The following DNASE1 variants were observed in gnomAD, a reference collection of about 807,000 sequenced individuals.
The protein encoded by DNASE1 is deoxyribonuclease 1, also known as deoxyribonuclease-1.
A neutral mutation model predicts 33.9 loss-of-function variants in DNASE1; 40 were observed. The observed-to-expected ratio is 1.18, with a 90% CI of 0.92 to 1.54. DNASE1 has a LOEUF of 1.54. DNASE1 is among the 40% of genes most tolerant of loss of function. The pLI is 0.00. For missense variants in DNASE1, 518 were observed against 372.6 expected, an observed-to-expected ratio of 1.39 and a Z score of -3.21; for synonymous variants, 216 against 160.0, an observed-to-expected ratio of 1.35 and a Z score of -2.64.
intron 1 of DNASE1, among the ~76,000 whole-genome samples, chr16:3,620,021 TTC>T (rs2151159928): frequency 6.6e-6 from 1 of 151,756 alleles, no homozygotes; most frequent in East Asian, 2.0e-4. Context: ...GTTCAAGTGA[TTC>T]TCTTGCCTCA....
chr16:3,661,219 A>C (rs1366213918), downstream of DNASE1: 1 of 152,234 alleles, frequency 6.6e-6, no homozygotes, highest in African/African-American at 2.4e-5. Flanking sequence ...TAAAGACCTA[A>C]ATAGATCACA....
intron 1 of DNASE1, among the ~76,000 whole-genome samples, chr16:3,646,390 C>T (rs1405714942): frequency 6.6e-6 from 1 of 152,014 alleles, no homozygotes; most frequent in Non-Finnish European, 1.5e-5. Flanking sequence ...GGAAGCCAGC[C>T]ATAAATAAGC....
At chr16:3,661,939 GA>G (rs747633704), downstream of DNASE1, 13 of 1,541,332 alleles carry the variant, frequency 8.4e-6, no homozygotes, top group Non-Finnish European at 1.1e-5. Flanking sequence ...CCACACACAG[GA>G]TTCTGGGGAA....
chr16:3,655,427 G>A lies in DNASE1; in HGVS notation c.54G>A (p.Gln18=), dbSNP rs1427255283. The change falls in exon 2 of 9, where the codon CAG becomes CAA. Residue 18 remains glutamine (Q), a synonymous_variant. Coordinates refer to ENST00000246949, the MANE Select transcript of DNASE1 (RefSeq NM_005223.4). The part of the protein sequence containing the change: ...GALLALAALL[Q]GAVSLKIAAF... The stretch of plus-strand genomic sequence containing the variant: ...TGCTGGCACTGGCGGCCCTACTGCA[G>A]GGGGCCGTGTCCCTGAAGATCGCAG... 6.2e-7 allele frequency: 1 copy of A among 1,614,092 alleles called. No homozygotes were observed. The highest frequency in any genetic ancestry group is 1.1e-5 in the South Asian group (1 of 91,090).
Position 3,664,372 on chromosome 16 carries a change from G to A in DNASE1, c.*6419G>A, listed in dbSNP as rs370076676. ...TAGTAGATGTTGCGGGTGCCGGCCC[G>A]CATGCGGCTGGCGTATTCTGAGAGG... On this transcript the variant is annotated 3_prime_UTR_variant, in exon 10 of 10. Transcript: ENST00000407479. The A allele has an allele frequency of 9.9e-6, 16 of 1,612,480 alleles. No individual in the cohort carries two copies. Among genetic ancestry groups the A allele is most frequent in the Middle Eastern group, 1.6e-4 (1 of 6,072 alleles).
In DNASE1 at chr16:3,656,086, T is replaced by C; in HGVS notation, c.237-16T>C. ...TATGGCCCCCGCCACTGGGACCTTT[T>C]GTTTCTTCAATCCAGGGATGCACCA... On this transcript the variant is annotated splice_polypyrimidine_tract_variant and intron_variant, in intron 3 of 8. Coordinates refer to ENST00000246949, the MANE Select transcript of DNASE1 (RefSeq NM_005223.4). 4 of 1,614,038 alleles carry C rather than the reference T, an allele frequency of 2.5e-6. No homozygotes were observed. The South Asian group carries it at 3.3e-5, about 13-fold the overall frequency.
intron 1 of DNASE1, among the ~76,000 whole-genome samples, chr16:3,647,031 C>T (rs1313830135): frequency 3.9e-5 from 6 of 152,160 alleles, no homozygotes; most frequent in African/African-American, 1.4e-4. Flanking sequence ...GTCCCAGCCA[C>T]AGCTGAAGTG....
chr16:3,646,565 A>G (rs768711501), intron 1 of DNASE1, among the ~76,000 whole-genome samples: 2 of 152,162 alleles, frequency 1.3e-5, no homozygotes, highest in Non-Finnish European at 2.9e-5. Flanking sequence ...AATGACAAGA[A>G]GGCCCCAGCT....
intron 1 of DNASE1, among the ~76,000 whole-genome samples, chr16:3,635,457 CAAAAAAAA>C (rs753495578): frequency 1.7e-5 from 1 of 59,690 alleles, no homozygotes; most frequent in Non-Finnish European, 3.4e-5. Flanking sequence ...GACTCTGTCT[CAAAAAAAA>C]AAAAAAAAAA....
chr16:3,656,844 T>C (rs1237221001), intron 5 of DNASE1, 91 bp downstream of exon 5: 4 of 1,540,382 alleles, frequency 2.6e-6, no homozygotes, highest in Non-Finnish European at 3.5e-6. Flanking sequence ...TGTCACACAC[T>C]GCCCTCCCAG....
chr16:3,628,811 A>G (rs1252553604), intron 1 of DNASE1, among the ~76,000 whole-genome samples: 5 of 147,524 alleles, frequency 3.4e-5, no homozygotes, highest in Non-Finnish European at 7.5e-5. Context: ...CGCCCGCCTC[A>G]GCTTCCCAAA....
At chr16:3,633,864 G>A (rs1244162684) in intron 1 of DNASE1, among the ~76,000 whole-genome samples, 7 of 151,252 alleles carry the variant, frequency 4.6e-5, no homozygotes, top group African/African-American at 9.7e-5. Context: ...GCTGAAGTGC[G>A]GTGGCTCGAT....
chr16:3,629,004 T>C (rs1048394654), intron 1 of DNASE1, among the ~76,000 whole-genome samples: 8 of 150,112 alleles, frequency 5.3e-5, no homozygotes, highest in Non-Finnish European at 1.0e-4. Context: ...AAACCCTGTC[T>C]CTACTAAAAA....
chr16:3,663,572 G>T, exon 10 of DNASE1: 1 of 1,613,328 alleles, frequency 6.2e-7, no homozygotes, highest in South Asian at 1.1e-5. Flanking sequence ...CCTGCAGGTG[G>T]CCAAGAGCAG....
rs777482421 is a variant in DNASE1 at position 3,656,648 on chromosome 16, G to GTGTC, written c.334_337dup (p.Ala113ValfsTer10). The GTGTC allele has an allele frequency of 8.9e-5, 144 of 1,611,548 alleles. No homozygotes were observed. Among genetic ancestry groups the GTGTC allele is most frequent in the Non-Finnish European group, 1.1e-4 (128 of 1,178,912 alleles). On this transcript the variant is annotated frameshift_variant, in exon 5 of 9. Coordinates refer to ENST00000246949, the MANE Select transcript of DNASE1 (RefSeq NM_005223.4). LOFTEE classifies it high-confidence loss of function. ...CCGGCCTTCCCGCAGGCCTGACCAG[G>GTGTC]TGTCTGCGGTGGACAGCTACTACTA...
chr16:3,659,211 C>T (rs1483828951), downstream of DNASE1: 1 of 209,188 alleles, frequency 4.8e-6, no homozygotes, highest in African/African-American at 2.3e-5. Flanking sequence ...TATTATAGGG[C>T]TCTAGTAAAT....
chr16:3,661,924 G>C (rs1036397056), downstream of DNASE1: 88 of 1,512,114 alleles, frequency 5.8e-5, no homozygotes, highest in Non-Finnish European at 7.4e-5. Context: ...CACAACAAAA[G>C]AACACCACAC....
rs1204727292 is a variant in DNASE1 at position 3,657,126 on chromosome 16, G to T, written c.549+15G>T. On this transcript the variant is annotated intron_variant, in intron 6 of 8. Coordinates refer to ENST00000246949, the MANE Select transcript of DNASE1 (RefSeq NM_005223.4). The stretch of plus-strand genomic sequence containing the variant: ...GGGGCTTGGAGGTGAGGCCCTCCCA[G>T]GGGCAGTGGGCACCAGCGGCCTCCG... 1 of 1,614,102 alleles carries T rather than the reference G, an allele frequency of 6.2e-7. No individual in the cohort carries two copies. The highest frequency in any genetic ancestry group is 2.2e-5 in the East Asian group (1 of 44,892).
rs1169382484 is a variant in DNASE1, at chr16:3,657,781, A to AACTT, written c.767_770dup (p.Phe257LeufsTer10). ...TGTTCCCGACTCGGCTCTTCCCTTT[A>AACTT]ACTTCCAGGCTGCCTATGGCCTGAG... is the stretch of plus-strand genomic sequence containing the variant. On this transcript the variant is annotated frameshift_variant, in exon 8 of 9. Transcript: ENST00000246949. LOFTEE classifies it high-confidence loss of function. 6.2e-7 allele frequency: 1 copy of AACTT among 1,614,010 alleles called. No individual in the cohort carries two copies. Among genetic ancestry groups the AACTT allele is most frequent in the East Asian group, 2.2e-5 (1 of 44,876 alleles).
Sources: gnomAD v4.1 joint callset for allele counts (sites outside exome capture counted in the v4.1 genomes callset) on GRCh38, gnomAD v4.1.1 for gene constraint, MANE v1.5 for transcripts, NCBI Gene and HGNC (gene_info 2026-07-23, HGNC 2026-07-21) for gene names.